EYA2: variants seen among roughly 807,000 people sequenced by gnomAD.
EYA2 encodes protein phosphatase EYA2.
Under a neutral mutation model 69.2 loss-of-function variants are expected in EYA2, and 31 were observed. The ratio of observed to expected loss-of-function variants is 0.45; its 90% CI spans 0.34 to 0.60. The LOEUF is 0.60. Ranked by LOEUF, EYA2 falls within the 20% of genes least tolerant of loss-of-function variation. EYA2 has a pLI of 0.02. For synonymous variants in EYA2, 257 were observed against 279.4 expected, an observed-to-expected ratio of 0.92 and a Z score of 0.80; for missense variants, 622 against 701.2, an observed-to-expected ratio of 0.89 and a Z score of 1.28.
chr20:46,955,914 C>G lies in EYA2; in HGVS notation c.-10-34087C>G, dbSNP rs527536761. On this transcript the variant is annotated intron_variant, in intron 1 of 15. Transcript: ENST00000327619. ...GCAGGCCATGCAATCTCCATTTCAA[C>G]TACTCAGTTCTGTCATCATAACATG... is the stretch of plus-strand genomic sequence containing the variant. 5.9e-5 allele frequency among the ~76,000 whole-genome samples: 9 copies of G among 152,344 alleles called. No homozygotes were observed. In the South Asian group the frequency reaches 1.9e-3, roughly 32 times the overall value.
chr20:46,957,328 A>T lies in EYA2; in HGVS notation c.-10-32673A>T, dbSNP rs575440011. 2.0e-5 allele frequency among the ~76,000 whole-genome samples: 3 copies of T among 152,308 alleles called. No individual in the cohort carries two copies. The South Asian group carries it at 6.2e-4, about 32-fold the overall frequency. ...TTGCTAAAATTTCACTCTAAAAACT[A>T]GTCAATACCAGGCTGAATAAGATAT... On this transcript the variant is annotated intron_variant, in intron 1 of 15. Transcript: ENST00000327619.
intron 9 of EYA2, among the ~76,000 whole-genome samples, chr20:47,134,941 C>T (rs866035989): frequency 1.3e-5 from 2 of 151,978 alleles, no homozygotes; most frequent in Non-Finnish European, 2.9e-5. Context: ...TCCTGGCTAA[C>T]GTGGTGAAAC....
intron 9 of EYA2, among the ~76,000 whole-genome samples, chr20:47,099,869 G>T (rs1343040152): frequency 6.6e-6 from 1 of 152,088 alleles, no homozygotes; most frequent in African/African-American, 2.4e-5. Context: ...CACCATAAGG[G>T]CAGAGACCAT....
chr20:47,109,470 G>T (rs1266488458), intron 9 of EYA2, among the ~76,000 whole-genome samples: 1 of 151,858 alleles, frequency 6.6e-6, no homozygotes, highest in Non-Finnish European at 1.5e-5. Flanking sequence ...CTCTTTTTGT[G>T]TGCATTTATT....
At chr20:47,170,492 C>T (rs2034295251) in intron 11 of EYA2, among the ~76,000 whole-genome samples, 1 of 151,744 alleles carries the variant, frequency 6.6e-6, no homozygotes, top group African/African-American at 2.4e-5. Flanking sequence ...ACTAAAAATA[C>T]AAAAATTAGC....
At chr20:46,983,504 T>A (rs920563004) in intron 1 of EYA2, among the ~76,000 whole-genome samples, 12 of 152,226 alleles carry the variant, frequency 7.9e-5, no homozygotes, top group African/African-American at 2.9e-4. Flanking sequence ...TTATTGGCCA[T>A]GAATTCCAAT....
At chr20:47,164,103 C>T (rs1177425706) in intron 10 of EYA2, among the ~76,000 whole-genome samples, 1 of 152,164 alleles carries the variant, frequency 6.6e-6, no homozygotes, top group Non-Finnish European at 1.5e-5. Flanking sequence ...ACAGTCCCCT[C>T]ACCCTCGTAC....
intron 1 of EYA2, among the ~76,000 whole-genome samples, chr20:46,960,512 C>T (rs966933072): frequency 6.6e-6 from 1 of 152,126 alleles, no homozygotes; most frequent in African/African-American, 2.4e-5. Context: ...ATGAGGAAAC[C>T]GAGGCACAGC....
In EYA2 at chr20:47,038,760, C is replaced by A. The variant is rs1309325318; in HGVS notation, c.415+22463C>A. 3.9e-5 allele frequency among the ~76,000 whole-genome samples: 6 copies of A among 152,262 alleles called. No homozygotes were observed. In the East Asian group the frequency reaches 1.2e-3, roughly 29 times the overall value. On this transcript the variant is annotated intron_variant, in intron 5 of 15. Coordinates refer to ENST00000327619, the MANE Select transcript of EYA2 (RefSeq NM_005244.5). Reference sequence around the variant, plus strand: ...AAACTATATCCATTGAACAACTAGTCCCCGTTCCCCGCACGTAGCCCCTGG... The same window carrying A: ...AAACTATATCCATTGAACAACTAGTACCCGTTCCCCGCACGTAGCCCCTGG...
chr20:47,104,832 C>A (rs1276566391), intron 9 of EYA2, among the ~76,000 whole-genome samples: 1 of 152,020 alleles, frequency 6.6e-6, no homozygotes, highest in African/African-American at 2.4e-5. Flanking sequence ...ACCAGCCTGG[C>A]CAACATGGTG....
intron 1 of EYA2, among the ~76,000 whole-genome samples, chr20:46,967,153 C>A (rs1045178242): frequency 3.3e-5 from 5 of 152,192 alleles, no homozygotes; most frequent in African/African-American, 9.6e-5. Flanking sequence ...ACCACCACAT[C>A]CAGCTAATTT....
At chr20:47,055,817 A>G (rs903995527) in intron 5 of EYA2, among the ~76,000 whole-genome samples, 4 of 152,202 alleles carry the variant, frequency 2.6e-5, no homozygotes, top group Non-Finnish European at 5.9e-5. Flanking sequence ...TCAGTCCAGC[A>G]TGTGCTCAGA....
At chr20:47,112,080 G>A (rs976175449) in intron 9 of EYA2, among the ~76,000 whole-genome samples, 6 of 152,182 alleles carry the variant, frequency 3.9e-5, no homozygotes, top group African/African-American at 1.4e-4. Flanking sequence ...GTTAGAGGCT[G>A]CAGTGAGCCG....
intron 1 of EYA2, among the ~76,000 whole-genome samples, chr20:46,981,235 G>A (rs1370132020): frequency 6.6e-6 from 1 of 152,180 alleles, no homozygotes; most frequent in Non-Finnish European, 1.5e-5. Flanking sequence ...AAATTGCCTG[G>A]TGTATAATAG....
intron 2 of EYA2, among the ~76,000 whole-genome samples, chr20:46,999,073 C>T (rs939285178): frequency 6.6e-6 from 1 of 152,008 alleles, no homozygotes; most frequent in Non-Finnish European, 1.5e-5. Flanking sequence ...GCAAATCATG[C>T]CATGGAGATT....
intron 9 of EYA2, among the ~76,000 whole-genome samples, chr20:47,122,006 A>G (rs978385850): frequency 6.6e-6 from 1 of 152,178 alleles, no homozygotes; most frequent in African/African-American, 2.4e-5. Context: ...ATTACTTTTA[A>G]AATTTGTTGC....
intron 1 of EYA2, among the ~76,000 whole-genome samples, chr20:46,975,269 T>C (rs577733222): frequency 2.6e-5 from 4 of 152,288 alleles, no homozygotes; most frequent in Non-Finnish European, 1.5e-5. Flanking sequence ...CATTGTACTA[T>C]GGTTATGTAA....
chr20:47,048,360 C>T (rs2030155242), intron 5 of EYA2, among the ~76,000 whole-genome samples: 1 of 152,158 alleles, frequency 6.6e-6, no homozygotes, highest in African/African-American at 2.4e-5. Context: ...GCCTGATTTG[C>T]CAGAACTTCC....
At chr20:46,911,140 C>A (rs964462967) in intron 1 of EYA2, among the ~76,000 whole-genome samples, 1 of 151,986 alleles carries the variant, frequency 6.6e-6, no homozygotes, top group Admixed American at 6.5e-5. Context: ...CCAAGGTGGT[C>A]CTTGGTATTT....
Sources: gnomAD v4.1 joint callset for allele counts (sites outside exome capture counted in the v4.1 genomes callset) on GRCh38, gnomAD v4.1.1 for gene constraint, MANE v1.5 for transcripts, NCBI Gene and HGNC (gene_info 2026-07-23, HGNC 2026-07-21) for gene names.